Variants in TMEM108 observed in about 807,000 individuals in gnomAD.
TMEM108 encodes the protein transmembrane protein 108, also known as cancer/testis antigen 124.
TMEM108 carries 12 observed loss-of-function variants against 35.1 expected under a neutral mutation model. That is an observed-to-expected ratio of 0.34 (90% CI 0.22 to 0.55). TMEM108 has a LOEUF of 0.55. Among genes scored for constraint, TMEM108 ranks in the 20% least tolerant of loss-of-function variants. TMEM108 has a pLI of 0.89. For missense variants in TMEM108, 680 were observed against 753.3 expected (o/e 0.90, Z 1.14); for synonymous variants, 287 against 308.6 (o/e 0.93, Z 0.73).
chr3:133,263,732 G>A (rs888699273), intron 3 of TMEM108, among the ~76,000 whole-genome samples: 3 of 152,282 alleles, frequency 2.0e-5, no homozygotes, highest in South Asian at 2.1e-4. Flanking sequence ...GCAGCATTTG[G>A]GCAGGGTGGA....
intron 2 of TMEM108, among the ~76,000 whole-genome samples, chr3:133,188,932 C>A (rs1945459990): frequency 6.6e-6 from 1 of 152,004 alleles, no homozygotes; most frequent in Admixed American, 6.6e-5. Context: ...TCAGTGTCTA[C>A]CTGAAGGAAA....
At chr3:133,068,165 C>G (rs1413621549) in intron 2 of TMEM108, among the ~76,000 whole-genome samples, 1 of 152,048 alleles carries the variant, frequency 6.6e-6, no homozygotes, top group Non-Finnish European at 1.5e-5. Flanking sequence ...CCTCCCAACA[C>G]TGTTGCATTG....
intron 3 of TMEM108, 63 bp downstream of exon 3, chr3:133,229,414 C>G: frequency 6.5e-7 from 1 of 1,542,360 alleles, no homozygotes; most frequent in Non-Finnish European, 8.9e-7. Flanking sequence ...GCTGGGTACC[C>G]ACAACTTACT....
chr3:133,388,602 T>A, intron 4 of TMEM108: 1 of 985,428 alleles, frequency 1.0e-6, no homozygotes. Flanking sequence ...AAAGATTTTT[T>A]AAAAAGGATC....
At chr3:133,247,096 A>C (rs1946397601) in intron 3 of TMEM108, 1 of 152,204 alleles carries the variant, frequency 6.6e-6, no homozygotes, top group African/African-American at 2.4e-5. Context: ...CTCCTGGGGA[A>C]AACTGTCTCA....
chr3:133,255,661 T>C (rs913329423), intron 3 of TMEM108, among the ~76,000 whole-genome samples: 1 of 152,246 alleles, frequency 6.6e-6, no homozygotes, highest in Non-Finnish European at 1.5e-5. Context: ...ATGAAAGATA[T>C]GCATACTCAG....
chr3:133,295,872 G>T (rs1327499373), intron 3 of TMEM108, among the ~76,000 whole-genome samples: 1 of 152,180 alleles, frequency 6.6e-6, no homozygotes, highest in African/African-American at 2.4e-5. Flanking sequence ...CCACATGTTG[G>T]TGGGGTACAC....
intron 3 of TMEM108, among the ~76,000 whole-genome samples, chr3:133,279,300 T>C (rs1350669152): frequency 2.0e-5 from 3 of 152,218 alleles, no homozygotes; most frequent in African/African-American, 7.2e-5. Context: ...TCCCAAGTCC[T>C]GCTTTCTGTC....
chr3:133,166,797 C>T (rs1448582075), intron 2 of TMEM108, among the ~76,000 whole-genome samples: 1 of 152,210 alleles, frequency 6.6e-6, no homozygotes, highest in Non-Finnish European at 1.5e-5. Context: ...AAGAACAAAG[C>T]TCCCACAGTG....
chr3:133,361,044 C>T (rs1462688951), intron 3 of TMEM108, among the ~76,000 whole-genome samples: 1 of 152,194 alleles, frequency 6.6e-6, no homozygotes, highest in Admixed American at 6.5e-5. Flanking sequence ...ACTTCAAGAT[C>T]GTGTCTCTTC....
intron 2 of TMEM108, among the ~76,000 whole-genome samples, chr3:133,220,790 T>G (rs544530704): frequency 7.9e-5 from 12 of 152,300 alleles, no homozygotes; most frequent in Admixed American, 7.8e-4. Flanking sequence ...CTCCCTACTT[T>G]AGATGTCAAT....
At chr3:133,103,352 A>G (rs1478902906) in intron 2 of TMEM108, among the ~76,000 whole-genome samples, 2 of 152,190 alleles carry the variant, frequency 1.3e-5, no homozygotes, top group African/African-American at 4.8e-5. Flanking sequence ...CAAATACCGC[A>G]TGTTCTCACT....
At chr3:133,286,736 A>G (rs1946991203) in intron 3 of TMEM108, among the ~76,000 whole-genome samples, 1 of 152,244 alleles carries the variant, frequency 6.6e-6, no homozygotes, top group African/African-American at 2.4e-5. Context: ...CAAGGGGAAC[A>G]AAACAGTAGT....
At chr3:133,160,760 C>A (rs957235234) in intron 2 of TMEM108, among the ~76,000 whole-genome samples, 3 of 152,246 alleles carry the variant, frequency 2.0e-5, no homozygotes, top group African/African-American at 7.2e-5. Flanking sequence ...GCCCAGCCAT[C>A]CTGCTCCACT....
At chr3:133,187,648 G>T (rs1004864328) in intron 2 of TMEM108, among the ~76,000 whole-genome samples, 3 of 152,080 alleles carry the variant, frequency 2.0e-5, no homozygotes, top group African/African-American at 7.2e-5. Flanking sequence ...TGCTTGGGAG[G>T]CTGAGGTAGG....
Position 133,119,719 on chromosome 3 carries a change from G to A in TMEM108, c.-47+73699G>A, listed in dbSNP as rs1171336950. Among the ~76,000 whole-genome samples the A allele has an allele frequency of 3.3e-5, 5 of 152,048 alleles. No individual in the cohort carries two copies. In the East Asian group the frequency reaches 9.6e-4, roughly 29 times the overall value. ...AGTCCTAGGAGGATTTCTTCTTGGC[G>A]ATGTTTTATTAGCATTTAATTTGAA... On this transcript the variant is annotated intron_variant, in intron 2 of 5. Transcript: ENST00000321871.
chr3:133,308,595 C>G lies in TMEM108; in HGVS notation c.41-71157C>G, dbSNP rs574597862. Among the ~76,000 whole-genome samples, 63 of 152,272 alleles carry G rather than the reference C, an allele frequency of 4.1e-4. 1 individual carries two copies. The South Asian group carries it at 4.8e-3, about 12-fold the overall frequency. ...AGGGCTGTTGAATTTTGTCGAAGGCCTTTTCTGCACCTATTGAGATAATCA... is the reference window on the plus strand; with the variant it reads ...AGGGCTGTTGAATTTTGTCGAAGGCGTTTTCTGCACCTATTGAGATAATCA... On this transcript the variant is annotated intron_variant, in intron 3 of 5. Coordinates refer to ENST00000321871, the MANE Select transcript of TMEM108 (RefSeq NM_023943.4).
intron 2 of TMEM108, among the ~76,000 whole-genome samples, chr3:133,197,062 A>G (rs900789939): frequency 6.6e-6 from 1 of 152,228 alleles, no homozygotes; most frequent in Non-Finnish European, 1.5e-5. Flanking sequence ...TGTGCTGATG[A>G]TAACAAAAGT....
At chr3:133,249,844 A>G (rs1238899876) in intron 3 of TMEM108, among the ~76,000 whole-genome samples, 3 of 152,192 alleles carry the variant, frequency 2.0e-5, no homozygotes. Flanking sequence ...AAGAGCTTTT[A>G]AATTATTTGA....
Sources: allele counts gnomAD v4.1 joint callset (sites outside exome capture counted in the v4.1 genomes callset), GRCh38; gene constraint gnomAD v4.1.1; transcripts MANE v1.5; gene names NCBI Gene and HGNC (gene_info 2026-07-23, HGNC 2026-07-21).